Variants in PKP4 observed in about 807,000 individuals in gnomAD.
PKP4 encodes the protein plakophilin-4.
In PKP4, 90 loss-of-function variants were observed where a neutral mutation model predicts 145.1. The ratio of observed to expected loss-of-function variants is 0.62; its 90% confidence interval spans 0.52 to 0.74. PKP4 has a LOEUF of 0.74. PKP4 is among the 30% of genes least tolerant of loss of function. The pLI, the probability that PKP4 is intolerant of heterozygous loss-of-function variation, is 0.00. For missense variants in PKP4, 1,340 were observed against 1,482.7 expected, an observed-to-expected ratio of 0.90 and a Z score of 1.58; for synonymous variants, 563 against 577.2, an observed-to-expected ratio of 0.98 and a Z score of 0.35.
At chr2:158,494,064 T>A (rs989342928) in intron 1 of PKP4, among the ~76,000 whole-genome samples, 1 of 152,188 alleles carries the variant, frequency 6.6e-6, no homozygotes, top group Non-Finnish European at 1.5e-5. Context: ...AAAAGTTGGA[T>A]CTTTTTTAAT....
At chr2:158,464,242 G>C (rs1349146013) in intron 1 of PKP4, among the ~76,000 whole-genome samples, 1 of 152,198 alleles carries the variant, frequency 6.6e-6, no homozygotes, top group Admixed American at 6.5e-5. Flanking sequence ...CATTTTGTAT[G>C]AATACTTTAG....
chr2:158,522,851 A>G (rs1482079250), intron 1 of PKP4, among the ~76,000 whole-genome samples: 1 of 152,160 alleles, frequency 6.6e-6, no homozygotes, highest in Non-Finnish European at 1.5e-5. Flanking sequence ...TCCCTTTCCG[A>G]GTCAAAGAAA....
intron 2 of PKP4, among the ~76,000 whole-genome samples, chr2:158,557,243 C>G (rs1017662448): frequency 6.6e-6 from 1 of 152,054 alleles, no homozygotes; most frequent in African/African-American, 2.4e-5. Context: ...ATTGTATGCA[C>G]TTAATGAATA....
In PKP4 at chr2:158,518,864, A is replaced by G. The variant is rs559511303; in HGVS notation, c.-5-14316A>G. Among the ~76,000 whole-genome samples the G allele has an allele frequency of 2.0e-5, 3 of 152,178 alleles. No individual in the cohort carries two copies. In the East Asian group the frequency reaches 5.8e-4, roughly 29 times the overall value. On this transcript the variant is annotated intron_variant, in intron 1 of 21. Transcript: ENST00000389759. ...TGAGAAGGTGTCTGATGCTAATTTG[A>G]TTTTATTTGCTTTTTCCACTATAGT...
intron 1 of PKP4, among the ~76,000 whole-genome samples, chr2:158,475,277 AC>A (rs1292570076): frequency 1.3e-5 from 2 of 152,130 alleles, no homozygotes; most frequent in African/African-American, 4.8e-5. Context: ...TTTTTTGATA[AC>A]ATATCTATAT....
chr2:158,533,668 G>A (rs2043783126), intron 2 of PKP4: 1 of 354,328 alleles, frequency 2.8e-6, no homozygotes, highest in African/African-American at 2.1e-5. Flanking sequence ...CCTGAGGCCT[G>A]TAATAGCGTT....
intron 1 of PKP4, among the ~76,000 whole-genome samples, chr2:158,463,011 C>T (rs1690011678): frequency 1.3e-5 from 2 of 152,138 alleles, no homozygotes; most frequent in South Asian, 2.1e-4. Context: ...GGCTTGCTTT[C>T]TGTGTGGGTT....
chr2:158,533,441 T>C, intron 2 of PKP4, 125 bp downstream of exon 2: 1 of 1,144,112 alleles, frequency 8.7e-7, no homozygotes, highest in East Asian at 2.6e-5. Context: ...TTATAAGGTG[T>C]TTACATCCCT....
intron 4 of PKP4, among the ~76,000 whole-genome samples, chr2:158,610,770 T>G (rs1275977189): frequency 6.6e-6 from 1 of 152,116 alleles, no homozygotes; most frequent in East Asian, 1.9e-4. Flanking sequence ...CTTGAGTAGA[T>G]CTGTGTAAAA....
chr2:158,474,906 G>A (rs1023285378), intron 1 of PKP4, among the ~76,000 whole-genome samples: 1 of 152,130 alleles, frequency 6.6e-6, no homozygotes, highest in Non-Finnish European at 1.5e-5. Flanking sequence ...GTATTCTCTT[G>A]CCTGCCCACA....
intron 2 of PKP4, among the ~76,000 whole-genome samples, chr2:158,538,271 T>C (rs550645247): frequency 2.6e-5 from 4 of 152,302 alleles, no homozygotes; most frequent in African/African-American, 9.6e-5. Context: ...GGTATTATTA[T>C]CAAGTGGTAG....
At position 158,624,990 on chromosome 2, in the gene PKP4, C is replaced by T; in HGVS notation, c.716C>T (p.Thr239Ile). ...GVSPSRGSLR[T>I]SLGSGFGSPS... ...TCTCCTTCAAGGGGGTCTCTGAGAA[C>T]TTCTCTGGGTAGTGGATTTGGCTCT... The change falls in exon 7 of 22, where the codon ACT becomes ATT. Residue 239 changes from threonine to isoleucine, a missense_variant. Transcript: ENST00000389759. 1 of 1,614,176 alleles carries T rather than the reference C, an allele frequency of 6.2e-7. No individual in the cohort carries two copies. Among genetic ancestry groups the T allele is most frequent in the Non-Finnish European group, 8.5e-7 (1 of 1,180,020 alleles).
chr2:158,624,754 G>T, intron 6 of PKP4, 124 bp from the exon 7 acceptor site: 1 of 639,234 alleles, frequency 1.6e-6, no homozygotes, highest in South Asian at 4.0e-5. Flanking sequence ...AAAAGGAAAA[G>T]AATCTTAGAT....
chr2:158,624,951 T>C lies in PKP4; in HGVS notation c.677T>C (p.Ile226Thr), dbSNP rs891563165. 6 of 1,613,922 alleles carry C rather than the reference T, an allele frequency of 3.7e-6. 1 individual carries two copies. Among genetic ancestry groups the C allele is most frequent in the African/African-American group, 2.7e-5 (2 of 74,922 alleles). ...AGAGCACAGTCTCCTTCTTATGTTA[T>C]CAGCACAGGCGTGTCTCCTTCAAGG... is the stretch of plus-strand genomic sequence containing the variant. Reference protein sequence around the residue: ...PSRAQSPSYVISTGVSPSRGS... With the variant: ...PSRAQSPSYVTSTGVSPSRGS... The change falls in exon 7 of 22, where the codon ATC becomes ACC. Residue 226 changes from isoleucine to threonine, a missense_variant. Coordinates refer to ENST00000389759, the MANE Select transcript of PKP4 (RefSeq NM_003628.6).
intron 2 of PKP4, among the ~76,000 whole-genome samples, chr2:158,566,806 A>C (rs1274589957): frequency 6.6e-6 from 1 of 152,184 alleles, no homozygotes; most frequent in Non-Finnish European, 1.5e-5. Flanking sequence ...TACAAGACTG[A>C]ACTAGAATTA....
rs1274346216 is a variant in PKP4, at chr2:158,625,117, C to T, written c.843C>T (p.Ser281=). ...AASPYSQRPA[S]PTAIRRIGSV... ...CTCCGTACTCACAGAGACCCGCCTC[C>T]CCAACAGCTATACGGCGGATTGGGT... The change falls in exon 7 of 22, where the codon TCC becomes TCT. Residue 281 remains serine, a synonymous_variant. Coordinates refer to ENST00000389759, the MANE Select transcript of PKP4 (RefSeq NM_003628.6). 8 of 1,614,202 alleles carry T rather than the reference C, an allele frequency of 5.0e-6. No individual in the cohort carries two copies. The highest frequency in any genetic ancestry group is 4.2e-6 in the Non-Finnish European group (5 of 1,180,036).
In PKP4 at chr2:158,681,119, C is replaced by T. The variant is rs1258596615; in HGVS notation, c.*442C>T. 1.3e-5 allele frequency: 2 copies of T among 154,528 alleles called. No individual in the cohort carries two copies. Among genetic ancestry groups the T allele is most frequent in the African/African-American group, 4.8e-5 (2 of 41,434 alleles). 9.6% of individuals were successfully genotyped at this position (154,528 alleles called of 1,614,324 possible). ...GTATGCTATTATGTCTTGTAAATTT[C>T]TTTTGTTGGTGTAAATATGGAAATG... is the stretch of plus-strand genomic sequence containing the variant. On this transcript the variant is annotated 3_prime_UTR_variant, in exon 22 of 22. Transcript: ENST00000389759.
rs1344104030 is a variant in PKP4, at chr2:158,552,096, AT to A, written c.132+18781del. On this transcript the variant is annotated intron_variant, in intron 2 of 21. Transcript: ENST00000389759. The stretch of plus-strand genomic sequence containing the variant: ...GTGAGTTCTAAATGCCATCACAAGT[AT>A]CTGTCTATGAGAGAGGCAGAGAGAG... Among the ~76,000 whole-genome samples the A allele has an allele frequency of 2.0e-5, 3 of 152,332 alleles. No homozygotes were observed. In the East Asian group the frequency reaches 5.8e-4, roughly 29 times the overall value.
intron 1 of PKP4, among the ~76,000 whole-genome samples, chr2:158,530,621 A>G (rs768839942): frequency 1.3e-4 from 19 of 150,154 alleles, no homozygotes; most frequent in Non-Finnish European, 1.9e-4. Flanking sequence ...TATGAAAACT[A>G]CAAGAAAATG....
Sources: gnomAD v4.1 joint callset for allele counts (sites outside exome capture counted in the v4.1 genomes callset) on GRCh38, gnomAD v4.1.1 for gene constraint, MANE v1.5 for transcripts, NCBI Gene and HGNC (gene_info 2026-07-23, HGNC 2026-07-21) for gene names.